CDH22: variants seen among roughly 807,000 people sequenced by gnomAD.
CDH22 encodes cadherin 22.
Under a neutral mutation model 58.4 loss-of-function variants are expected in CDH22, and 30 were observed. That is an observed-to-expected ratio of 0.51 (90% CI 0.38 to 0.70). The LOEUF (loss-of-function observed/expected upper bound fraction) is 0.70, where lower values mean the gene tolerates loss of function less well. Among genes scored for constraint, CDH22 ranks in the 30% least tolerant of loss-of-function variants. The pLI, the probability that CDH22 is intolerant of heterozygous loss-of-function variation, is 0.00. For synonymous variants in CDH22, 513 were observed against 558.2 expected (o/e 0.92, Z 1.14); for missense variants, 1,014 against 1,233.9 (o/e 0.82, Z 2.67).
intron 7 of CDH22, among the ~76,000 whole-genome samples, chr20:46,208,190 C>T (rs1440748633): frequency 1.3e-5 from 2 of 152,204 alleles, no homozygotes; most frequent in East Asian, 1.9e-4. Context: ...CTTCCCATCC[C>T]TCTAACACTG....
chr20:46,174,653 C>A lies in CDH22; in HGVS notation c.2340G>T (p.Ser780=). 2 of 1,555,584 alleles carry A rather than the reference C, an allele frequency of 1.3e-6. No homozygotes were observed. Among genetic ancestry groups the A allele is most frequent in the Non-Finnish European group, 1.7e-6 (2 of 1,157,178 alleles). ...FQTYAFEGAD[S]PAASLSSLHS... ...GCAGGGAGCTGAGCGAGGCGGCCGG[C>A]GAGTCCGCGCCCTCGAAGGCGTAGG... The change falls in exon 12 of 12, where the codon TCG becomes TCT. Residue 780 remains serine (S), a synonymous_variant. Coordinates refer to ENST00000537909, the MANE Select transcript of CDH22 (RefSeq NM_021248.3). The surrounding 1 kb of genome is among the most constrained non-coding windows in gnomAD (Gnocchi z 4.4).
At chr20:46,292,757 A>C (rs1331768634) in intron 1 of CDH22, among the ~76,000 whole-genome samples, 1 of 152,092 alleles carries the variant, frequency 6.6e-6, no homozygotes, top group East Asian at 1.9e-4. Flanking sequence ...GCCCCTCTGA[A>C]ATGCTCTCCT....
At chr20:46,256,490 C>T (rs2086407128) in intron 1 of CDH22, among the ~76,000 whole-genome samples, 1 of 152,028 alleles carries the variant, frequency 6.6e-6, no homozygotes, top group African/African-American at 2.4e-5. Context: ...GTGCAAAGTC[C>T]CTGAGGTCAG....
chr20:46,174,591 T>C lies in CDH22; in HGVS notation c.2402A>G (p.Tyr801Cys), dbSNP rs2085721426. 1.3e-6 allele frequency: 2 copies of C among 1,533,956 alleles called. No individual in the cohort carries two copies. The highest frequency in any genetic ancestry group is 1.2e-5 in the South Asian group (1 of 83,192). The part of the protein sequence containing the change: ...GSSGSEQDFA[Y>C]LSSWGPRFRP... ...GAAGCGCGGACCCCAGCTGCTGAGA[T>C]AGGCGAAGTCCTGCTCGGAGCCCGA... The change falls in exon 12 of 12, where the codon TAT becomes TGT. Residue 801 changes from tyrosine to cysteine, a missense_variant. By Grantham distance (194) the Tyr-to-Cys change is radical. This residue lies in a region of CDH22 where 208 missense variants were observed against 195.2 expected (regional missense o/e 1.07). Transcript: ENST00000537909. This position sits in a 1 kb window ranked among gnomAD's most constrained non-coding sequence, Gnocchi z 4.4.
intron 2 of CDH22, among the ~76,000 whole-genome samples, chr20:46,250,471 A>AGT (rs1396619395): frequency 6.6e-6 from 1 of 152,146 alleles, no homozygotes; most frequent in Admixed American, 6.5e-5. Context: ...CTGTAGTGTG[A>AGT]GTGTAAGGTC....
intron 10 of CDH22, among the ~76,000 whole-genome samples, chr20:46,178,865 G>T (rs757178925): frequency 6.6e-6 from 1 of 152,204 alleles, no homozygotes; most frequent in Non-Finnish European, 1.5e-5. Context: ...AGCCTAGAGG[G>T]CTGGGGGCGT....
intron 1 of CDH22, among the ~76,000 whole-genome samples, chr20:46,259,824 A>C (rs2086423956): frequency 6.6e-6 from 1 of 152,194 alleles, no homozygotes; most frequent in Admixed American, 6.5e-5. Flanking sequence ...TGGTGTATAA[A>C]AAGAGTGATG....
intron 3 of CDH22, among the ~76,000 whole-genome samples, chr20:46,229,569 G>A (rs191868652): frequency 5.8e-4 from 88 of 152,308 alleles, no homozygotes; most frequent in African/African-American, 2.0e-3. Flanking sequence ...AAATGAGGGT[G>A]GTAGTATTAC....
rs758954908 is a variant in CDH22, at chr20:46,251,204, TCGG to T, written c.88_90del (p.Pro30del). The T allele has an allele frequency of 3.8e-5, 56 of 1,469,026 alleles. No individual in the cohort carries two copies. The highest frequency in any genetic ancestry group is 1.6e-4 in the Admixed American group (6 of 36,416). 91.0% of individuals were successfully genotyped at this position (1,469,026 alleles called of 1,614,324 possible). ...GCTGCCCACAGGCGCCCCAGCAGCG[TCGG>T]CGGCGGCGGCAGCAGCAGCAGCAGC... is the stretch of plus-strand genomic sequence containing the variant. On this transcript the variant is annotated inframe_deletion, in exon 2 of 12. Transcript: ENST00000537909. This position sits in a 1 kb window ranked among gnomAD's most constrained non-coding sequence, Gnocchi z 6.7.
intron 10 of CDH22, among the ~76,000 whole-genome samples, chr20:46,179,847 C>T (rs2085771748): frequency 6.6e-6 from 1 of 152,198 alleles, no homozygotes; most frequent in South Asian, 2.1e-4. Context: ...CCCATCTTCC[C>T]TGTGCTGCAC....
intron 8 of CDH22, 76 bp downstream of exon 8, chr20:46,199,347 G>T: frequency 6.5e-7 from 1 of 1,528,452 alleles, no homozygotes; most frequent in Non-Finnish European, 8.8e-7. Flanking sequence ...CCTGCCCCCA[G>T]CCCTTGGCCC....
intron 4 of CDH22, among the ~76,000 whole-genome samples, chr20:46,224,359 A>C (rs147601686): frequency 7.2e-4 from 110 of 152,326 alleles, no homozygotes; most frequent in African/African-American, 2.5e-3. Context: ...CTCAATAAAT[A>C]GTGGTTGAAT....
At chr20:46,277,116 C>T (rs1434636916) in intron 1 of CDH22, among the ~76,000 whole-genome samples, 1 of 151,412 alleles carries the variant, frequency 6.6e-6, no homozygotes, top group African/African-American at 2.4e-5. Context: ...TAGCGAGACC[C>T]TGTCTCTAGT....
intron 7 of CDH22, among the ~76,000 whole-genome samples, chr20:46,201,350 G>T (rs896539746): frequency 1.3e-5 from 2 of 152,222 alleles, no homozygotes; most frequent in Non-Finnish European, 2.9e-5. Context: ...GGGGCCCAGA[G>T]CCCTGAGATG....
At position 46,174,492 on chromosome 20, in the gene CDH22, G is replaced by C. The variant is rs758040732; in HGVS notation, c.*14C>G. 1 of 1,460,522 alleles carries C rather than the reference G, an allele frequency of 6.8e-7. No homozygotes were observed. Among genetic ancestry groups the C allele is most frequent in the South Asian group, 1.3e-5 (1 of 75,114 alleles). 90.5% of individuals were successfully genotyped at this position (1,460,522 alleles called of 1,614,324 possible). On this transcript the variant is annotated 3_prime_UTR_variant, in exon 12 of 12. Transcript: ENST00000537909. This position sits in a 1 kb window ranked among gnomAD's most constrained non-coding sequence, Gnocchi z 4.4. ...GGCGGGTGAGCAGCCGCGCCCCGAC[G>C]GCAGGGCGAGGGGCTAGGAGGCCTG...
intron 1 of CDH22, among the ~76,000 whole-genome samples, chr20:46,306,210 G>T (rs1196629912): frequency 1.3e-5 from 2 of 152,362 alleles, no homozygotes; most frequent in East Asian, 3.9e-4. Flanking sequence ...CCAAGAAACG[G>T]CTCTGTTTTG....
At chr20:46,294,026 A>C (rs1215798569) in intron 1 of CDH22, among the ~76,000 whole-genome samples, 1 of 152,172 alleles carries the variant, frequency 6.6e-6, no homozygotes, top group East Asian at 1.9e-4. Flanking sequence ...AAACAAAAAA[A>C]CACTTATATT....
intron 1 of CDH22, among the ~76,000 whole-genome samples, chr20:46,270,650 CA>C (rs1340147034): frequency 1.3e-5 from 2 of 152,140 alleles, no homozygotes; most frequent in East Asian, 1.9e-4. Flanking sequence ...ATGGAGTTCC[CA>C]TACAGGGTTA....
chr20:46,299,904 T>A (rs1037067084), intron 1 of CDH22, among the ~76,000 whole-genome samples: 4 of 152,006 alleles, frequency 2.6e-5, no homozygotes, highest in Non-Finnish European at 4.4e-5. Context: ...TGGAGTGGGG[T>A]GGACAGAGAA....
Sources: gnomAD v4.1 joint callset for allele counts (sites outside exome capture counted in the v4.1 genomes callset) on GRCh38, gnomAD v4.1.1 for gene constraint, gnomAD v4.1.1 regional missense constraint, Gnocchi (gnomAD v3.1) non-coding constraint, MANE v1.5 for transcripts, NCBI Gene and HGNC (gene_info 2026-07-23, HGNC 2026-07-21) for gene names.